The following OSM variants were observed in gnomAD, a reference collection of about 807,000 sequenced individuals.
OSM encodes oncostatin M, also known as oncostatin-M.
OSM carries 1 observed loss-of-function variant against 6.3 expected under a neutral mutation model. That is an observed-to-expected ratio of 0.16 (90% CI 0.06 to 0.76). The LOEUF (loss-of-function observed/expected upper bound fraction) is 0.76, where lower values mean the gene tolerates loss of function less well. Among genes scored for constraint, OSM ranks in the 30% least tolerant of loss-of-function variants. The pLI, the probability that OSM is intolerant of heterozygous loss-of-function variation, is 0.77. For synonymous variants in OSM, 135 were observed against 143.4 expected (o/e 0.94, Z 0.42); for missense variants, 324 against 336.9 (o/e 0.96, Z 0.30).
In OSM at chr22:30,266,349, G is replaced by T. The variant is rs1363181454; in HGVS notation, c.34+417C>A. Reference sequence around the variant, plus strand: ...CTGTGCATGCTGTGTGATTGTGTGGGCCCTGGGGCCCCCAGGCCTGGCTGA... The same window carrying T: ...CTGTGCATGCTGTGTGATTGTGTGGTCCCTGGGGCCCCCAGGCCTGGCTGA... On this transcript the variant is annotated intron_variant, in intron 1 of 2. Transcript: ENST00000215781. This position sits in a 1 kb window ranked among gnomAD's most constrained non-coding sequence, Gnocchi z 5.0. 1.3e-5 allele frequency among the ~76,000 whole-genome samples: 2 copies of T among 152,078 alleles called. No homozygotes were observed. The highest frequency in any genetic ancestry group is 2.9e-5 in the Non-Finnish European group (2 of 67,994).
rs202065554 is a variant in OSM at position 30,264,024 on chromosome 22, C to A, written c.618G>T (p.Gly206=). 2.2e-5 allele frequency: 35 copies of A among 1,568,698 alleles called. No homozygotes were observed. Among genetic ancestry groups the A allele is most frequent in the Non-Finnish European group, 3.0e-5 (35 of 1,154,874 alleles). Residue 206 remains glycine, a synonymous_variant, in exon 3 of 3, where the codon GGG becomes GGT. Transcript: ENST00000215781. ...HGYHRFMHSV[G]RVFSKWGESP... Reference sequence around the variant, plus strand: ...TCTCCCCCCACTTGCTGAAGACCCGCCCCACTGAGTGCATGAAGCGATGGT... The same window carrying A: ...TCTCCCCCCACTTGCTGAAGACCCGACCCACTGAGTGCATGAAGCGATGGT...
At position 30,263,419 on chromosome 22, in the gene OSM, C is replaced by CCTA. The variant is rs1929290849; in HGVS notation, c.*463_*464insTAG. On this transcript the variant is annotated 3_prime_UTR_variant, in exon 3 of 3. Coordinates refer to ENST00000215781, the MANE Select transcript of OSM (RefSeq NM_020530.6). The stretch of plus-strand genomic sequence containing the variant: ...TGAGGTCACCCAGACATCCAGGTGT[C>CCTA]TGGTTTGGGACATGATGAGGCATAG... 6.3e-6 allele frequency: 1 copy of CCTA among 158,560 alleles called. No homozygotes were observed. Among genetic ancestry groups the CCTA allele is most frequent in the South Asian group, 2.0e-4 (1 of 4,912 alleles). 9.8% of individuals were successfully genotyped at this position (158,560 alleles called of 1,614,324 possible). A position where few individuals can be genotyped will look rare whatever the true frequency, so the allele number is the denominator to read the frequency against.
Position 30,264,450 on chromosome 22 carries a change from G to C in OSM, c.192C>G (p.Gly64=). 1 of 1,604,350 alleles carries C rather than the reference G, an allele frequency of 6.2e-7. No homozygotes were observed. Among genetic ancestry groups the C allele is most frequent in the Non-Finnish European group, 8.5e-7 (1 of 1,172,252 alleles). ...GCTCTCTCAGTTTAGGAACATCCAG[G>C]CCTTGGATACGTATCTGGCGGGAAC... ...RLLDPYIRIQ[G]LDVPKLREHC... is the part of the protein sequence containing the mutation. The change falls in exon 3 of 3, where the codon GGC becomes GGG. Residue 64 remains glycine (G), a synonymous_variant. Coordinates refer to ENST00000215781, the MANE Select transcript of OSM (RefSeq NM_020530.6).
In OSM at chr22:30,263,639, G is replaced by A. The variant is rs550388034; in HGVS notation, c.*244C>T. ...ATGGAAAGTCGGTCCCGCGTGGCCC[G>A]CCCGGCCACCCCACTGGGCCTGGGG... On this transcript the variant is annotated 3_prime_UTR_variant, in exon 3 of 3. Transcript: ENST00000215781. 3.9e-5 allele frequency: 16 copies of A among 408,972 alleles called. No homozygotes were observed. Among genetic ancestry groups the A allele is most frequent in the Non-Finnish European group, 6.0e-5 (14 of 231,606 alleles). 25.3% of individuals were successfully genotyped at this position (408,972 alleles called of 1,614,324 possible). A position where few individuals can be genotyped will look rare whatever the true frequency, so the allele number is the denominator to read the frequency against.
chr22:30,265,209 A>G, intron 1 of OSM, 65 bp from the exon 2 acceptor site: 1 of 1,566,776 alleles, frequency 6.4e-7, no homozygotes, highest in African/African-American at 1.4e-5. Context: ...AGCCTCGGGG[A>G]GGGGGTTCAA....
In OSM at chr22:30,266,194, C is replaced by T. The variant is rs562502328; in HGVS notation, c.34+572G>A. Reference sequence around the variant, plus strand: ...GTGGCTGTGCATCTGGGTCTGTGTGCGGCGTGAGGGAGACCTGTTCCGTTC... The same window carrying T: ...GTGGCTGTGCATCTGGGTCTGTGTGTGGCGTGAGGGAGACCTGTTCCGTTC... On this transcript the variant is annotated intron_variant, in intron 1 of 2. Coordinates refer to ENST00000215781, the MANE Select transcript of OSM (RefSeq NM_020530.6). The surrounding 1 kb of genome is among the most constrained non-coding windows in gnomAD (Gnocchi z 5.0). Among the ~76,000 whole-genome samples, 2 of 152,174 alleles carry T rather than the reference C, an allele frequency of 1.3e-5. No individual in the cohort carries two copies. The highest frequency in any genetic ancestry group is 2.9e-5 in the Non-Finnish European group (2 of 68,012).
Position 30,265,059 on chromosome 22 carries a change from G to C in OSM, c.120C>G (p.Gly40=). Residue 40 remains glycine (G), a synonymous_variant, in exon 2 of 3, where the codon GGC becomes GGG. Coordinates refer to ENST00000215781, the MANE Select transcript of OSM (RefSeq NM_020530.6). ...TGAGATCTGTCTGCTTCTGGAGCTG[G>C]CCAAGGAGCACGCGGTACTCTTTCG... The part of the protein sequence containing the change: ...SCSKEYRVLL[G]QLQKQTDLMQ... The C allele has an allele frequency of 6.2e-7, 1 of 1,614,180 alleles. No homozygotes were observed. Among genetic ancestry groups the C allele is most frequent in the Non-Finnish European group, 8.5e-7 (1 of 1,180,010 alleles).
At chr22:30,265,558 C>T (rs574939304) in intron 1 of OSM, 19 of 280,970 alleles carry the variant, frequency 6.8e-5, no homozygotes, top group Non-Finnish European at 9.6e-5. Flanking sequence ...CTAGGACCTG[C>T]CTTGTCAGCT....
At position 30,263,790 on chromosome 22, in the gene OSM, G is replaced by C. The variant is rs1394051822; in HGVS notation, c.*93C>G. The C allele has an allele frequency of 9.4e-7, 1 of 1,068,374 alleles. No homozygotes were observed. The highest frequency in any genetic ancestry group is 1.3e-6 in the Non-Finnish European group (1 of 757,538). The allele number at this position is 1,068,374 out of a possible 1,614,324, so 66.2% of individuals were successfully genotyped here. A position where few individuals can be genotyped will look rare whatever the true frequency, so the allele number is the denominator to read the frequency against. On this transcript the variant is annotated 3_prime_UTR_variant, in exon 3 of 3. Transcript: ENST00000215781. ...CAGTGGCTAGTAGCAGAGGGGAACA[G>C]GTTTGGGGACCCGGGAGCTGTCATC...
rs963460721 is a variant in OSM, at chr22:30,263,043, G to C, written c.*840C>G. 6.5e-6 allele frequency: 1 copy of C among 152,712 alleles called. No individual in the cohort carries two copies. Among genetic ancestry groups the C allele is most frequent in the African/African-American group, 2.4e-5 (1 of 41,456 alleles). 9.5% of individuals were successfully genotyped at this position (152,712 alleles called of 1,614,324 possible). On this transcript the variant is annotated 3_prime_UTR_variant, in exon 3 of 3. Transcript: ENST00000215781. ...AAAATTCCAGGATCCACCACCAGGGGGAGCAGCCAGCAGCGAGGACCCAAG... is the reference window on the plus strand; with the variant it reads ...AAAATTCCAGGATCCACCACCAGGGCGAGCAGCCAGCAGCGAGGACCCAAG...
chr22:30,264,084 C>A lies in OSM; in HGVS notation c.558G>T (p.Gln186His). The change falls in exon 3 of 3, where the codon CAG becomes CAT. Residue 186 changes from glutamine to histidine, a missense_variant. Physicochemically the swap from Gln to His is conservative, Grantham distance 24. Coordinates refer to ENST00000215781, the MANE Select transcript of OSM (RefSeq NM_020530.6). ...GGAACCTGCAGCCCTCCAGCTTGCG[C>A]TGAAAAGCATCCGAGGCAGGGGTGG... is the stretch of plus-strand genomic sequence containing the variant. ...PTPTPASDAF[Q>H]RKLEGCRFLH... 6.2e-7 allele frequency: 1 copy of A among 1,606,272 alleles called. No homozygotes were observed. The highest frequency in any genetic ancestry group is 8.5e-7 in the Non-Finnish European group (1 of 1,174,662).
rs1030265685 is a variant in OSM at position 30,263,658 on chromosome 22, C to A, written c.*225G>T. On this transcript the variant is annotated 3_prime_UTR_variant, in exon 3 of 3. Coordinates refer to ENST00000215781, the MANE Select transcript of OSM (RefSeq NM_020530.6). Reference sequence around the variant, plus strand: ...TGGCCCGCCCGGCCACCCCACTGGGCCTGGGGAACTTGGGGCTGAGGTGGG... The same window carrying A: ...TGGCCCGCCCGGCCACCCCACTGGGACTGGGGAACTTGGGGCTGAGGTGGG... 9.6e-6 allele frequency: 4 copies of A among 416,794 alleles called. No homozygotes were observed. Among genetic ancestry groups the A allele is most frequent in the Non-Finnish European group, 1.7e-5 (4 of 237,016 alleles). The allele number at this position is 416,794 out of a possible 1,614,324, so 25.8% of individuals were successfully genotyped here. A position where few individuals can be genotyped will look rare whatever the true frequency, so the allele number is the denominator to read the frequency against.
At position 30,263,846 on chromosome 22, in the gene OSM, C is replaced by A. The variant is rs756659365; in HGVS notation, c.*37G>T. On this transcript the variant is annotated 3_prime_UTR_variant, in exon 3 of 3. Transcript: ENST00000215781. Reference sequence around the variant, plus strand: ...ATGGTTCCTCTCATCCACAGAGCACCTGCCGCATCCTTCACCGGCAAGGGG... The same window carrying A: ...ATGGTTCCTCTCATCCACAGAGCACATGCCGCATCCTTCACCGGCAAGGGG... The A allele has an allele frequency of 3.4e-6, 5 of 1,454,604 alleles. No individual in the cohort carries two copies. The East Asian group carries it at 9.3e-5, about 27-fold the overall frequency. The allele number at this position is 1,454,604 out of a possible 1,614,324, so 90.1% of individuals were successfully genotyped here.
rs962457214 is a variant in OSM at position 30,264,216 on chromosome 22, G to A, written c.426C>T (p.Asn142=). The A allele has an allele frequency of 6.2e-7, 1 of 1,614,102 alleles. No individual in the cohort carries two copies. Among genetic ancestry groups the A allele is most frequent in the Non-Finnish European group, 8.5e-7 (1 of 1,180,028 alleles). Residue 142 remains asparagine, a synonymous_variant, in exon 3 of 3, where the codon AAC becomes AAT. Coordinates refer to ENST00000215781, the MANE Select transcript of OSM (RefSeq NM_020530.6). ...AGATGTTGTTCCTGAGCCCGAGGATGTTCGGCCTCGCCATCTGCAGCTTCT... is the reference window on the plus strand; with the variant it reads ...AGATGTTGTTCCTGAGCCCGAGGATATTCGGCCTCGCCATCTGCAGCTTCT... The part of the protein sequence containing the change: ...DLEKLQMARP[N]ILGLRNNIYC...
chr22:30,264,282 G>A lies in OSM; in HGVS notation c.360C>T (p.Ala120=), dbSNP rs202063715. 115 of 1,613,980 alleles carry A rather than the reference G, an allele frequency of 7.1e-5. No homozygotes were observed. The highest frequency in any genetic ancestry group is 3.3e-4 in the Middle Eastern group (2 of 6,084). ...LADLEQRLPK[A]QDLERSGLNI... ...TCAGCCCAGACCTCTCCAAATCCTG[G>A]GCCTTGGGGAGGCGCTGCTCTAAGT... Residue 120 remains alanine (A), a synonymous_variant, in exon 3 of 3, where the codon GCC becomes GCT. Coordinates refer to ENST00000215781, the MANE Select transcript of OSM (RefSeq NM_020530.6).
At position 30,263,974 on chromosome 22, in the gene OSM, C is replaced by A; in HGVS notation, c.668G>T (p.Ser223Ile). 1 of 1,543,258 alleles carries A rather than the reference C, an allele frequency of 6.5e-7. No homozygotes were observed. Residue 223 changes from serine (S) to isoleucine (I), a missense_variant, in exon 3 of 3, where the codon AGC becomes ATC. By Grantham distance (142) the Ser-to-Ile change is moderately radical (BLOSUM62 -2). Transcript: ENST00000215781. ...GESPNRSRRH[S>I]PHQALRKGVR... ...CCCCTTCCTCAGGGCCTGGTGGGGG[C>A]TGTGTCTCCGGCTCCGGTTCGGGCT...
chr22:30,263,888 G>A lies in OSM; in HGVS notation c.754C>T (p.Arg252Trp), dbSNP rs200509008. Residue 252 changes from arginine (R) to tryptophan (W), a missense_variant, in exon 3 of 3, where the codon CGG (arginine) becomes TGG (tryptophan). Transcript: ENST00000215781. ...KRLMTRGQLP[R>W] ...GGCAAGGGGTGCTCTCGAGGCTACC[G>A]GGGCAGCTGTCCCCTGGTCATGAGT... 2.1e-5 allele frequency: 31 copies of A among 1,495,146 alleles called. No homozygotes were observed. Among genetic ancestry groups the A allele is most frequent in the African/African-American group, 7.0e-5 (5 of 71,426 alleles). 92.6% of individuals were successfully genotyped at this position (1,495,146 alleles called of 1,614,324 possible). A position where few individuals can be genotyped will look rare whatever the true frequency, so the allele number is the denominator to read the frequency against.
rs568083477 is a variant in OSM at position 30,263,555 on chromosome 22, A to C, written c.*328T>G. On this transcript the variant is annotated 3_prime_UTR_variant, in exon 3 of 3. Transcript: ENST00000215781. ...AAGGACCGGCAGGCCTCGGGGAGCA[A>C]GGCAGGGGGGCAGTCAGCCCGGCCA... The C allele has an allele frequency of 3.8e-5, 12 of 312,072 alleles. No individual in the cohort carries two copies. In the East Asian group the frequency reaches 6.1e-4, roughly 16 times the overall value. The allele number at this position is 312,072 out of a possible 1,614,324, so 19.3% of individuals were successfully genotyped here.
rs576072075 is a variant in OSM, at chr22:30,266,708, C to T, written c.34+58G>A. 8.8e-6 allele frequency: 14 copies of T among 1,590,120 alleles called. No individual in the cohort carries two copies. Among genetic ancestry groups the T allele is most frequent in the South Asian group, 6.6e-5 (6 of 90,246 alleles). On this transcript the variant is annotated intron_variant, in intron 1 of 2. Transcript: ENST00000215781. This position sits in a 1 kb window ranked among gnomAD's most constrained non-coding sequence, Gnocchi z 5.0. ...GGCAGAGGGTGCCTCTGCTCCCCAC[C>T]GGCACCCGTGGGCAGACCCAGCAGG...
Sources: gnomAD v4.1 joint callset for allele counts (sites outside exome capture counted in the v4.1 genomes callset) on GRCh38, gnomAD v4.1.1 for gene constraint, Gnocchi (gnomAD v3.1) non-coding constraint, MANE v1.5 for transcripts, NCBI Gene and HGNC (gene_info 2026-07-23, HGNC 2026-07-21) for gene names.